Variants in ARID4B observed in about 807,000 individuals in gnomAD.
The protein encoded by ARID4B is AT-rich interactive domain-containing protein 4B.
ARID4B carries 26 observed loss-of-function variants against 147.5 expected under a neutral mutation model. The ratio of observed to expected loss-of-function variants is 0.18; its 90% CI spans 0.13 to 0.24. The LOEUF (loss-of-function observed/expected upper bound fraction) is 0.24, where lower values mean the gene tolerates loss of function less well. Among genes scored for constraint, ARID4B ranks in the 10% least tolerant of loss-of-function variants. The pLI, the probability that ARID4B is intolerant of heterozygous loss-of-function variation, is 1.00. For synonymous variants in ARID4B, 512 were observed against 507.9 expected, an observed-to-expected ratio of 1.01 and a Z score of -0.11; for missense variants, 1,179 against 1,511.5, an observed-to-expected ratio of 0.78 and a Z score of 3.65.
chr1:235,308,989 C>G (rs985140808), intron 2 of ARID4B, among the ~76,000 whole-genome samples: 3 of 144,918 alleles, frequency 2.1e-5, no homozygotes, highest in African/African-American at 7.9e-5. Flanking sequence ...TGGAAAGTGA[C>G]GAGCGTCTCT....
At chr1:235,287,078 G>A (rs554024006) in intron 2 of ARID4B, among the ~76,000 whole-genome samples, 74 of 152,232 alleles carry the variant, frequency 4.9e-4, no homozygotes, top group Non-Finnish European at 7.9e-4. Flanking sequence ...TGGCTAACAC[G>A]GTGAAACCCT....
intron 2 of ARID4B, among the ~76,000 whole-genome samples, chr1:235,289,296 T>C (rs1672176182): frequency 6.6e-6 from 1 of 152,070 alleles, no homozygotes; most frequent in Admixed American, 6.6e-5. Flanking sequence ...AATTGCTCAA[T>C]GGCAAAAAAA....
In ARID4B at chr1:235,170,044, T is replaced by C. The variant is rs141757703; in HGVS notation, c.3812-1392A>G. Among the ~76,000 whole-genome samples the C allele has an allele frequency of 7.9e-4, 120 of 152,262 alleles. 1 individual carries two copies. The highest frequency in any genetic ancestry group is 3.4e-3 in the Middle Eastern group (1 of 294). On this transcript the variant is annotated intron_variant, in intron 23 of 23. Coordinates refer to ENST00000264183, the MANE Select transcript of ARID4B (RefSeq NM_016374.6). ...AAAAATTCATTCAGTACAGGGGTAATAGGATAGAAAAGCAAATCTCACTCT... is the reference window on the plus strand; with the variant it reads ...AAAAATTCATTCAGTACAGGGGTAACAGGATAGAAAAGCAAATCTCACTCT...
chr1:235,172,833 A>G, intron 22 of ARID4B, 69 bp from the exon 23 acceptor site: 2 of 1,263,558 alleles, frequency 1.6e-6, no homozygotes, highest in East Asian at 2.7e-5. Flanking sequence ...AGGAGAGAAC[A>G]TCGAGCATGG....
chr1:235,247,948 A>G (rs926100966), intron 6 of ARID4B, among the ~76,000 whole-genome samples: 13 of 152,164 alleles, frequency 8.5e-5, no homozygotes, highest in African/African-American at 3.1e-4. Context: ...AGATTACACC[A>G]TTGCACTCCA....
intron 2 of ARID4B, among the ~76,000 whole-genome samples, chr1:235,306,234 G>A: frequency 6.6e-6 from 1 of 152,066 alleles, no homozygotes; most frequent in Non-Finnish European, 1.5e-5. Flanking sequence ...AAATAAGATT[G>A]TGCTGGCTGG....
intron 2 of ARID4B, among the ~76,000 whole-genome samples, chr1:235,302,169 AAAAAAAAACAGC>A (rs1337398871): frequency 1.4e-5 from 2 of 146,266 alleles, no homozygotes; most frequent in Non-Finnish European, 3.0e-5. Flanking sequence ...AAAAAAAAAA[AAAAAAAAACAGC>A]AAAAAAAAAC....
chr1:235,173,762 AAAAAAAAAAATATAT>A (rs1258560592), intron 22 of ARID4B, among the ~76,000 whole-genome samples: 8 of 53,316 alleles, frequency 1.5e-4, no homozygotes, highest in African/African-American at 7.4e-4. Flanking sequence ...AAAAAAAAAA[AAAAAAAAAAATATAT>A]ATATATATAT....
intron 2 of ARID4B, among the ~76,000 whole-genome samples, chr1:235,299,874 CA>C (rs1364589712): frequency 6.6e-6 from 1 of 152,084 alleles, no homozygotes; most frequent in Non-Finnish European, 1.5e-5. Context: ...ACGTATGATG[CA>C]AAAAATATAG....
chr1:235,320,982 AT>A (rs1247848107), intron 2 of ARID4B, among the ~76,000 whole-genome samples: 3 of 151,992 alleles, frequency 2.0e-5, no homozygotes, highest in Non-Finnish European at 4.4e-5. Flanking sequence ...ACTTAGCATT[AT>A]TTTTTTTCTT....
chr1:235,168,640 G>A lies in ARID4B; in HGVS notation c.3824C>T (p.Ser1275Phe), dbSNP rs779299691. ...KKKERESAATSSSSSSPSSSS... is the reference protein window; with the variant it reads ...KKKERESAATFSSSSSPSSSS... Reference sequence around the variant, plus strand: ...GGATGAAGGTGAAGAGGAGGATGAGGATGTAGCAGCACCTAAGGAAAAGGG... The same window carrying A: ...GGATGAAGGTGAAGAGGAGGATGAGAATGTAGCAGCACCTAAGGAAAAGGG... Residue 1275 changes from serine (S) to phenylalanine (F), a missense_variant, in exon 24 of 24, where the codon TCC becomes TTC. By Grantham distance (155) the Ser-to-Phe change is radical. This residue lies in a region of ARID4B where 357 missense variants were observed against 427.3 expected (regional missense o/e 0.84). Coordinates refer to ENST00000264183, the MANE Select transcript of ARID4B (RefSeq NM_016374.6). The A allele has an allele frequency of 9.3e-6, 15 of 1,613,720 alleles. No homozygotes were observed. In the South Asian group the frequency reaches 1.1e-4, roughly 12 times the overall value.
chr1:235,323,486 TAA>T lies in ARID4B; in HGVS notation c.6+3426_6+3427del. On this transcript the variant is annotated intron_variant, in intron 2 of 23. Transcript: ENST00000264183. ...GATACAGGAAAAAAAAGTTTGAGTT[TAA>T]AAAAAGTAAAAATCGGCCGGGCGCA... Among the ~76,000 whole-genome samples, 4 of 152,040 alleles carry T rather than the reference TAA, an allele frequency of 2.6e-5. No homozygotes were observed. The South Asian group carries it at 8.4e-4, about 32-fold the overall frequency.
At chr1:235,243,131 T>C (rs1002037450) in intron 7 of ARID4B, among the ~76,000 whole-genome samples, 2 of 152,142 alleles carry the variant, frequency 1.3e-5, no homozygotes, top group Non-Finnish European at 2.9e-5. Context: ...TGAACAATGC[T>C]TGGCACAGTA....
At chr1:235,244,731 G>C (rs1669194669) in intron 7 of ARID4B, among the ~76,000 whole-genome samples, 1 of 152,110 alleles carries the variant, frequency 6.6e-6, no homozygotes, top group African/African-American at 2.4e-5. Flanking sequence ...ACATATCTTT[G>C]TACAAAAATA....
At chr1:235,187,684 G>A (rs990279658) in intron 19 of ARID4B, among the ~76,000 whole-genome samples, 3 of 151,984 alleles carry the variant, frequency 2.0e-5, no homozygotes, top group African/African-American at 7.3e-5. Flanking sequence ...CTACTCACAA[G>A]GGGCATCAAA....
At chr1:235,301,006 C>A (rs1216465173) in intron 2 of ARID4B, among the ~76,000 whole-genome samples, 7 of 150,916 alleles carry the variant, frequency 4.6e-5, no homozygotes, top group African/African-American at 1.2e-4. Flanking sequence ...TGAGCCACTA[C>A]GCCCAGCCAA....
At chr1:235,189,907 G>A (rs1056727203) in intron 19 of ARID4B, 2 of 154,132 alleles carry the variant, frequency 1.3e-5, no homozygotes, top group Non-Finnish European at 2.9e-5. Flanking sequence ...AATTAAAAAG[G>A]AGAGAACAGT....
chr1:235,270,160 G>A (rs1458261987), intron 2 of ARID4B, among the ~76,000 whole-genome samples: 1 of 152,094 alleles, frequency 6.6e-6, no homozygotes, highest in African/African-American at 2.4e-5. Context: ...ACAGGCGCCT[G>A]TAGTCCCAGC....
At chr1:235,298,985 A>G (rs1672942096) in intron 2 of ARID4B, among the ~76,000 whole-genome samples, 2 of 152,112 alleles carry the variant, frequency 1.3e-5, no homozygotes, top group East Asian at 3.9e-4. Flanking sequence ...AGTGGCATAC[A>G]CCTGTAATCC....
Sources: gnomAD v4.1 joint callset for allele counts (sites outside exome capture counted in the v4.1 genomes callset) on GRCh38, gnomAD v4.1.1 for gene constraint, gnomAD v4.1.1 regional missense constraint, MANE v1.5 for transcripts, NCBI Gene and HGNC (gene_info 2026-07-23, HGNC 2026-07-21) for gene names.